PGM2L1: variants seen among roughly 807,000 people sequenced by gnomAD.
PGM2L1 encodes glucose 1,6-bisphosphate synthase.
In PGM2L1, 35 loss-of-function variants were observed where a neutral mutation model predicts 73.4. The ratio of observed to expected loss-of-function variants is 0.48; its 90% CI spans 0.36 to 0.63. The LOEUF (loss-of-function observed/expected upper bound fraction) is 0.63. Among genes scored for constraint, PGM2L1 ranks in the 30% least tolerant of loss-of-function variants. PGM2L1 has a pLI of 0.00. For synonymous variants in PGM2L1, 225 were observed against 253.8 expected, an observed-to-expected ratio of 0.89 and a Z score of 1.08; for missense variants, 570 against 742.0, an observed-to-expected ratio of 0.77 and a Z score of 2.69.
At chr11:74,371,690 T>G (rs1469554036) in intron 3 of PGM2L1, 21 bp downstream of exon 3, 2 of 1,589,656 alleles carry the variant, frequency 1.3e-6, no homozygotes, top group South Asian at 2.2e-5. Context: ...AACTTAATCT[T>G]TGAAACAATT....
At chr11:74,363,036 G>C (rs1362395843) in intron 5 of PGM2L1, among the ~76,000 whole-genome samples, 1 of 152,078 alleles carries the variant, frequency 6.6e-6, no homozygotes, top group Non-Finnish European at 1.5e-5. Context: ...ATAACAAACT[G>C]TCTCTCAGAC....
chr11:74,374,311 G>C, intron 2 of PGM2L1, 104 bp downstream of exon 2: 3 of 945,474 alleles, frequency 3.2e-6, no homozygotes, highest in Non-Finnish European at 4.5e-6. Flanking sequence ...CTCGATCTCT[G>C]GACCTCGTGA....
chr11:74,393,629 T>A (rs1345951430), intron 1 of PGM2L1, among the ~76,000 whole-genome samples: 1 of 152,224 alleles, frequency 6.6e-6, no homozygotes, highest in Non-Finnish European at 1.5e-5. Context: ...CTTTACATGA[T>A]ACTCTTTCTC....
chr11:74,361,161 C>A (rs1862557751), intron 5 of PGM2L1, among the ~76,000 whole-genome samples: 1 of 152,190 alleles, frequency 6.6e-6, no homozygotes, highest in South Asian at 2.1e-4. Context: ...TAGGGGCAGA[C>A]TGACACCTCA....
intron 5 of PGM2L1, among the ~76,000 whole-genome samples, chr11:74,361,711 A>G (rs760658696): frequency 2.6e-5 from 4 of 152,242 alleles, no homozygotes; most frequent in Admixed American, 6.5e-5. Flanking sequence ...AAATGACCTG[A>G]TGGAGCTGAA....
rs1359903556 is a variant in PGM2L1 at position 74,336,608 on chromosome 11, C to G, written c.*44G>C. On this transcript the variant is annotated 3_prime_UTR_variant, in exon 14 of 14. Transcript: ENST00000298198. ...TCAATGTATGCAGTTCTCGGTTGCT[C>G]TGTTCCATATGCCCACACAGTGTCA... 8 of 1,373,800 alleles carry G rather than the reference C, an allele frequency of 5.8e-6. No individual in the cohort carries two copies. The African/African-American group carries it at 5.8e-5, about 10-fold the overall frequency. 85.1% of individuals were successfully genotyped at this position (1,373,800 alleles called of 1,614,324 possible).
intron 5 of PGM2L1, 120 bp from the exon 6 acceptor site, chr11:74,351,696 C>T (rs2134897160): frequency 2.3e-6 from 2 of 855,482 alleles, no homozygotes; most frequent in East Asian, 2.8e-5. Flanking sequence ...GGCACGGTGG[C>T]TCACGCCTGT....
At chr11:74,346,071 C>A (rs938184507) in intron 8 of PGM2L1, among the ~76,000 whole-genome samples, 2 of 151,692 alleles carry the variant, frequency 1.3e-5, no homozygotes, top group African/African-American at 4.8e-5. Flanking sequence ...TCGAGACCAG[C>A]CTGACCAACA....
Position 74,347,222 on chromosome 11 carries a change from G to A in PGM2L1, c.865C>T (p.Pro289Ser). Residue 289 changes from proline to serine, a missense_variant, in exon 7 of 14, where the codon CCA becomes TCA. Pro to Ser is a moderately conservative substitution (Grantham distance 74, BLOSUM62 -1). Transcript: ENST00000298198. ...VFGFKPPIPV[P>S]EQKDPDPDFS... Reference sequence around the variant, plus strand: ...TCTGGATCAGGATCTTTTTGTTCTGGTACTGGAATTGGAGGCTTAAAACCA... The same window carrying A: ...TCTGGATCAGGATCTTTTTGTTCTGATACTGGAATTGGAGGCTTAAAACCA... The A allele has an allele frequency of 6.2e-7, 1 of 1,612,622 alleles. No individual in the cohort carries two copies. The highest frequency in any genetic ancestry group is 1.3e-5 in the African/African-American group (1 of 75,004).
chr11:74,341,843 T>C (rs1291061678), intron 12 of PGM2L1, among the ~76,000 whole-genome samples: 1 of 152,144 alleles, frequency 6.6e-6, no homozygotes, highest in Non-Finnish European at 1.5e-5. Flanking sequence ...AAGGGCAAGT[T>C]ATTCACAAAT....
At chr11:74,390,179 A>AG (rs1863079924) in intron 1 of PGM2L1, among the ~76,000 whole-genome samples, 1 of 150,560 alleles carries the variant, frequency 6.6e-6, no homozygotes, top group Admixed American at 6.6e-5. Flanking sequence ...AGAAAAAAAA[A>AG]AAAACAGGGC....
intron 5 of PGM2L1, among the ~76,000 whole-genome samples, chr11:74,360,548 T>C (rs540124213): frequency 1.3e-5 from 2 of 152,164 alleles, no homozygotes; most frequent in Non-Finnish European, 2.9e-5. Context: ...TGGGGCTCGT[T>C]GGACAGTGGG....
chr11:74,354,006 A>T (rs1277494731), intron 5 of PGM2L1, among the ~76,000 whole-genome samples: 1 of 151,934 alleles, frequency 6.6e-6, no homozygotes, highest in Admixed American at 6.6e-5. Flanking sequence ...TATAAAACAT[A>T]AGAAAAAAAA....
chr11:74,368,678 G>A, intron 4 of PGM2L1, 103 bp from the exon 5 acceptor site: 1 of 856,404 alleles, frequency 1.2e-6, no homozygotes. Flanking sequence ...ATTATAGTAT[G>A]ATATTGCTTT....
At chr11:74,374,356 A>G in intron 2 of PGM2L1, 59 bp downstream of exon 2, 1 of 1,398,500 alleles carries the variant, frequency 7.2e-7, no homozygotes, top group African/African-American at 1.4e-5. Context: ...TGCTGGGATT[A>G]CAGGCATGAG....
intron 2 of PGM2L1, among the ~76,000 whole-genome samples, chr11:74,372,919 C>G (rs1469640290): frequency 6.6e-6 from 1 of 152,154 alleles, no homozygotes; most frequent in Non-Finnish European, 1.5e-5. Flanking sequence ...CATGGTGATA[C>G]TATCCTAAAA....
At chr11:74,392,420 AAGG>A (rs2134957015) in intron 1 of PGM2L1, among the ~76,000 whole-genome samples, 1 of 152,306 alleles carries the variant, frequency 6.6e-6, no homozygotes, top group Admixed American at 6.5e-5. Flanking sequence ...TCTTGGACAG[AAGG>A]AGAATACTGT....
At chr11:74,374,771 G>A (rs1591185668) in intron 1 of PGM2L1, among the ~76,000 whole-genome samples, 189 bp from the exon 2 acceptor site, 1 of 152,170 alleles carries the variant, frequency 6.6e-6, no homozygotes, top group African/African-American at 2.4e-5. Flanking sequence ...GAAAGGGCCT[G>A]TTGAGGGTGA....
rs181420332 is a variant in PGM2L1, at chr11:74,377,325, A to G, written c.112-2743T>C. On this transcript the variant is annotated intron_variant, in intron 1 of 13. Transcript: ENST00000298198. ...ATTTTTTGTACTTTTAGTAGAGACG[A>G]GGTTTCACCGTGTTAGCCAGGATGG... Among the ~76,000 whole-genome samples the G allele has an allele frequency of 6.6e-5, 10 of 152,030 alleles. No individual in the cohort carries two copies. In the East Asian group the frequency reaches 1.4e-3, roughly 21 times the overall value.
Sources: allele counts gnomAD v4.1 joint callset (sites outside exome capture counted in the v4.1 genomes callset), GRCh38; gene constraint gnomAD v4.1.1; transcripts MANE v1.5; gene names NCBI Gene and HGNC (gene_info 2026-07-23, HGNC 2026-07-21).